The following OXCT1 variants were observed in gnomAD, a reference collection of about 807,000 sequenced individuals.
The protein encoded by OXCT1 is succinyl-CoA:3-ketoacid coenzyme A transferase 1, mitochondrial.
Under a neutral mutation model 69.6 loss-of-function variants are expected in OXCT1, and 27 were observed. That is an observed-to-expected ratio of 0.39 (90% CI 0.29 to 0.54). The LOEUF (loss-of-function observed/expected upper bound fraction) is 0.54. OXCT1 is among the 20% of genes least tolerant of loss of function. The probability of loss-of-function intolerance (pLI) is 0.72; values close to 1 mark genes in which losing one functional copy is unlikely to be tolerated. For missense variants in OXCT1, 437 were observed against 650.2 expected, an observed-to-expected ratio of 0.67 and a Z score of 3.57; for synonymous variants, 202 against 217.8, an observed-to-expected ratio of 0.93 and a Z score of 0.64.
chr5:41,768,014 T>A (rs1367100144), intron 13 of OXCT1, among the ~76,000 whole-genome samples: 1 of 152,080 alleles, frequency 6.6e-6, no homozygotes, highest in South Asian at 2.1e-4. Context: ...GAACTGCCCC[T>A]GTCTCTGATG....
chr5:41,767,676 G>A lies in OXCT1; in HGVS notation c.1249-5476C>T, dbSNP rs540253132. Among the ~76,000 whole-genome samples the A allele has an allele frequency of 1.1e-3, 155 of 141,232 alleles. 1 individual carries two copies. The highest frequency in any genetic ancestry group is 4.1e-3 in the African/African-American group (150 of 36,330). 92.7% of individuals were successfully genotyped at this position (141,232 alleles called of 152,430 possible). A position where few individuals can be genotyped will look rare whatever the true frequency, so the allele number is the denominator to read the frequency against. On this transcript the variant is annotated intron_variant, in intron 13 of 16. Transcript: ENST00000196371. ...AATCATCTGATTGAGTAGACACCTT[G>A]TGGTGTCTACTATATATCTATCTAG... is the stretch of plus-strand genomic sequence containing the variant.
chr5:41,828,908 G>A (rs1316735624), intron 7 of OXCT1, among the ~76,000 whole-genome samples: 6 of 152,088 alleles, frequency 3.9e-5, no homozygotes, highest in African/African-American at 9.7e-5. Context: ...TTAAAAAATG[G>A]TCTTTTCAAA....
chr5:41,731,352 T>C lies in OXCT1; in HGVS notation c.*377A>G. ...CTCCTAACCACAAAAATCACATATG[T>C]TATCTTTCTTTCAGGACTAATAATT... On this transcript the variant is annotated 3_prime_UTR_variant, in exon 17 of 17. Transcript: ENST00000196371. 1 of 1,027,996 alleles carries C rather than the reference T, an allele frequency of 9.7e-7. No homozygotes were observed. Among genetic ancestry groups the C allele is most frequent in the Non-Finnish European group, 1.2e-6 (1 of 854,316 alleles). 63.7% of individuals were successfully genotyped at this position (1,027,996 alleles called of 1,614,324 possible). A position where few individuals can be genotyped will look rare whatever the true frequency, so the allele number is the denominator to read the frequency against.
chr5:41,769,926 A>T (rs1457281657), intron 13 of OXCT1, among the ~76,000 whole-genome samples: 2 of 152,016 alleles, frequency 1.3e-5, no homozygotes, highest in East Asian at 3.9e-4. Flanking sequence ...TGCCCCACTA[A>T]TTTTTTTATT....
intron 7 of OXCT1, among the ~76,000 whole-genome samples, chr5:41,823,342 G>T (rs1747654744): frequency 6.6e-6 from 1 of 152,182 alleles, no homozygotes; most frequent in Non-Finnish European, 1.5e-5. Context: ...AACTCTGGTA[G>T]GGATCCTAGA....
chr5:41,763,882 GA>G (rs1329589898), intron 13 of OXCT1, among the ~76,000 whole-genome samples: 2 of 152,098 alleles, frequency 1.3e-5, no homozygotes, highest in Non-Finnish European at 2.9e-5. Context: ...CCTCTAACAA[GA>G]AGGAAGCCTG....
chr5:41,836,159 G>C (rs577049603), intron 7 of OXCT1, among the ~76,000 whole-genome samples: 1 of 152,270 alleles, frequency 6.6e-6, no homozygotes, highest in South Asian at 2.1e-4. Context: ...GTCATTCCCT[G>C]GCTGGTTTTG....
chr5:41,870,367 G>A lies in OXCT1; in HGVS notation c.-9C>T. ...AGTTTGAGAGCCGCCATCTTCGGGCGGTGAGGCAGGAGGAGGCTGCGGGTT... is the reference window on the plus strand; with the variant it reads ...AGTTTGAGAGCCGCCATCTTCGGGCAGTGAGGCAGGAGGAGGCTGCGGGTT... On this transcript the variant is annotated 5_prime_UTR_variant, in exon 1 of 17. Transcript: ENST00000196371. The surrounding 1 kb of genome is among the most constrained non-coding windows in gnomAD (Gnocchi z 4.2). 1.9e-6 allele frequency: 3 copies of A among 1,610,924 alleles called. No individual in the cohort carries two copies. Among genetic ancestry groups the A allele is most frequent in the South Asian group, 1.1e-5 (1 of 90,906 alleles).
At chr5:41,788,011 T>C (rs989207497) in intron 13 of OXCT1, among the ~76,000 whole-genome samples, 5 of 152,280 alleles carry the variant, frequency 3.3e-5, no homozygotes, top group Admixed American at 2.6e-4. Flanking sequence ...TTTTTCCTCA[T>C]TTTCAAAGAT....
chr5:41,797,798 A>C (rs1746249012), intron 11 of OXCT1, among the ~76,000 whole-genome samples: 1 of 152,228 alleles, frequency 6.6e-6, no homozygotes, highest in Admixed American at 6.5e-5. Context: ...CTAATTCAGT[A>C]AGTGTGGTGA....
chr5:41,731,628 A>C lies in OXCT1; in HGVS notation c.*101T>G. The C allele has an allele frequency of 6.7e-7, 1 of 1,493,902 alleles. No homozygotes were observed. Among genetic ancestry groups the C allele is most frequent in the Non-Finnish European group, 9.1e-7 (1 of 1,099,820 alleles). The allele number at this position is 1,493,902 out of a possible 1,614,324, so 92.5% of individuals were successfully genotyped here. On this transcript the variant is annotated 3_prime_UTR_variant, in exon 17 of 17. Transcript: ENST00000196371. ...CTGAAACACAAGAAAACTAATAAAAAACCACCTGTTAAATACACAATTATG... is the reference window on the plus strand; with the variant it reads ...CTGAAACACAAGAAAACTAATAAAACACCACCTGTTAAATACACAATTATG...
In OXCT1 at chr5:41,870,131, G is replaced by A. The variant is rs1750217273; in HGVS notation, c.78+150C>T. 2.8e-6 allele frequency: 2 copies of A among 724,552 alleles called. No individual in the cohort carries two copies. Among genetic ancestry groups the A allele is most frequent in the Non-Finnish European group, 5.0e-6 (2 of 403,032 alleles). 44.9% of individuals were successfully genotyped at this position (724,552 alleles called of 1,614,324 possible). The stretch of plus-strand genomic sequence containing the variant: ...GGGCCGGCGAGGCCAGGAACGCGTC[G>A]CCGCGTGTCCGTGACCAGGGCACCG... On this transcript the variant is annotated intron_variant, in intron 1 of 16. Coordinates refer to ENST00000196371, the MANE Select transcript of OXCT1 (RefSeq NM_000436.4). The surrounding 1 kb of genome is among the most constrained non-coding windows in gnomAD (Gnocchi z 4.2).
intron 3 of OXCT1, among the ~76,000 whole-genome samples, chr5:41,859,905 T>C (rs1203440818): frequency 3.6e-5 from 5 of 139,810 alleles, no homozygotes; most frequent in African/African-American, 1.3e-4. Context: ...TATATATATA[T>C]ATACACACAC....
intron 5 of OXCT1, among the ~76,000 whole-genome samples, chr5:41,847,595 CT>C (rs1221484319): frequency 2.6e-5 from 4 of 151,568 alleles, no homozygotes; most frequent in African/African-American, 9.7e-5. Context: ...ATCAAGTGGG[CT>C]TCATCCCTGG....
At chr5:41,742,848 T>C (rs1743245972) in intron 15 of OXCT1, among the ~76,000 whole-genome samples, 2 of 152,244 alleles carry the variant, frequency 1.3e-5, no homozygotes, top group African/African-American at 2.4e-5. Flanking sequence ...ATGGTGTATA[T>C]GTGCCGCATT....
rs141567487 is a variant in OXCT1, at chr5:41,850,117, T to C, written c.477A>G (p.Thr159=). ...CTTCTTGTACCAGGGTCCCATACCCTGTTGGGGTGTAAAATGCAGGAACTC... is the reference window on the plus strand; with the variant it reads ...CTTCTTGTACCAGGGTCCCATACCCCGTTGGGGTGTAAAATGCAGGAACTC... ...GAGVPAFYTP[T]GYGTLVQEGG... The change falls in exon 5 of 17, where the codon ACA becomes ACG. Residue 159 remains threonine (T), a synonymous_variant. Coordinates refer to ENST00000196371, the MANE Select transcript of OXCT1 (RefSeq NM_000436.4). 1.0e-4 allele frequency: 169 copies of C among 1,613,948 alleles called. 1 individual carries two copies. In the African/African-American group the frequency reaches 2.0e-3, roughly 19 times the overall value.
At chr5:41,798,471 C>G (rs965448925) in intron 11 of OXCT1, among the ~76,000 whole-genome samples, 1 of 152,096 alleles carries the variant, frequency 6.6e-6, no homozygotes. Context: ...CCTCTACCTA[C>G]TAGATGTTAC....
intron 13 of OXCT1, among the ~76,000 whole-genome samples, chr5:41,788,158 A>T (rs539112764): frequency 5.8e-4 from 88 of 152,336 alleles, no homozygotes; most frequent in African/African-American, 2.0e-3. Flanking sequence ...TAATTCTTAC[A>T]TTATATATAA....
chr5:41,762,550 C>T lies in OXCT1; in HGVS notation c.1249-350G>A, dbSNP rs1488538351. On this transcript the variant is annotated intron_variant, in intron 13 of 16. Transcript: ENST00000196371. The surrounding 1 kb of genome is among the most constrained non-coding windows in gnomAD (Gnocchi z 4.0). ...TTGAAATCCAAACACCCCTGACATCCACTTCTTTTTAAACACAATCAACTC... is the reference window on the plus strand; with the variant it reads ...TTGAAATCCAAACACCCCTGACATCTACTTCTTTTTAAACACAATCAACTC... Among the ~76,000 whole-genome samples the T allele has an allele frequency of 6.6e-6, 1 of 152,002 alleles. No individual in the cohort carries two copies. The highest frequency in any genetic ancestry group is 2.4e-5 in the African/African-American group (1 of 41,396).
Sources: allele counts gnomAD v4.1 joint callset (sites outside exome capture counted in the v4.1 genomes callset), GRCh38; gene constraint gnomAD v4.1.1; non-coding constraint Gnocchi (gnomAD v3.1); transcripts MANE v1.5; gene names NCBI Gene and HGNC (gene_info 2026-07-23, HGNC 2026-07-21).